Variants in KHDRBS2 observed in about 807,000 individuals in gnomAD.
The protein encoded by KHDRBS2 is KH RNA binding domain containing, signal transduction associated 2, also known as KH domain-containing, RNA-binding, signal transduction-associated protein 2.
In KHDRBS2, 26 loss-of-function variants were observed where a neutral mutation model predicts 44.3. The observed-to-expected ratio is 0.59, with a 90% CI of 0.43 to 0.81. The LOEUF (loss-of-function observed/expected upper bound fraction) is 0.81, where lower values mean the gene tolerates loss of function less well. Ranked by LOEUF, KHDRBS2 falls within the 40% of genes least tolerant of loss-of-function variation. The probability of loss-of-function intolerance (pLI) is 0.00; values close to 1 mark genes in which losing one functional copy is unlikely to be tolerated. For synonymous variants in KHDRBS2, 194 were observed against 151.1 expected (o/e 1.28, Z -2.08); for missense variants, 476 against 433.1 (o/e 1.10, Z -0.88).
chr6:61,596,721 G>A, the KHDRBS2 span, among the ~76,000 whole-genome samples: 526 of 151,972 alleles, frequency 3.5e-3, 4 homozygotes, highest in South Asian at 7.5e-3. Flanking sequence ...GTGCAATTTC[G>A]GCTCACTGCA....
intron 6 of KHDRBS2, among the ~76,000 whole-genome samples, chr6:61,796,922 T>C (rs528972711): frequency 1.3e-5 from 2 of 152,240 alleles, no homozygotes; most frequent in South Asian, 4.1e-4. Context: ...ATCCTGATAG[T>C]GCACTTGAAT....
chr6:61,769,440 G>A (rs946394454), intron 6 of KHDRBS2, among the ~76,000 whole-genome samples: 2 of 152,162 alleles, frequency 1.3e-5, no homozygotes, highest in African/African-American at 4.8e-5. Flanking sequence ...GATGGCACCT[G>A]GAAAATCGGG....
chr6:62,030,184 A>G (rs754036059), intron 3 of KHDRBS2, among the ~76,000 whole-genome samples: 1 of 152,080 alleles, frequency 6.6e-6, no homozygotes, highest in Non-Finnish European at 1.5e-5. Context: ...AAGATTTCTA[A>G]TATCACCACT....
At chr6:61,602,083 G>A in the KHDRBS2 span, among the ~76,000 whole-genome samples, 25 of 152,184 alleles carry the variant, frequency 1.6e-4, no homozygotes, top group East Asian at 5.8e-4. Flanking sequence ...TCAAAAGGCC[G>A]TCTTATTCTC....
intron 7 of KHDRBS2, among the ~76,000 whole-genome samples, chr6:61,712,514 A>T (rs961994025): frequency 1.3e-5 from 2 of 151,908 alleles, no homozygotes; most frequent in African/African-American, 4.8e-5. Flanking sequence ...TGTTTAAAAA[A>T]TAGAATGAAG....
At chr6:61,878,848 A>G (rs749841043) in intron 6 of KHDRBS2, among the ~76,000 whole-genome samples, 5 of 152,004 alleles carry the variant, frequency 3.3e-5, no homozygotes, top group Non-Finnish European at 5.9e-5. Context: ...CTGTTTGTAA[A>G]ATGGGCATAA....
At chr6:61,982,670 CAAA>C (rs1264177227) in intron 3 of KHDRBS2, among the ~76,000 whole-genome samples, 3 of 65,992 alleles carry the variant, frequency 4.5e-5, no homozygotes, top group Non-Finnish European at 3.6e-5. Context: ...AACTCTGTCT[CAAA>C]AAAAAAAAAA....
chr6:61,742,011 G>T (rs1424471291), intron 6 of KHDRBS2, among the ~76,000 whole-genome samples: 1 of 151,880 alleles, frequency 6.6e-6, no homozygotes, highest in Non-Finnish European at 1.5e-5. Context: ...ATATTCTTAT[G>T]CAGTTGAGAG....
At chr6:61,752,852 A>G (rs1777919650) in intron 6 of KHDRBS2, among the ~76,000 whole-genome samples, 1 of 152,084 alleles carries the variant, frequency 6.6e-6, no homozygotes, top group African/African-American at 2.4e-5. Context: ...AGGGGTCGGT[A>G]TGTAAGTTGT....
At chr6:62,169,141 A>G (rs940243608) in intron 2 of KHDRBS2, among the ~76,000 whole-genome samples, 1 of 70,326 alleles carries the variant, frequency 1.4e-5, no homozygotes, top group Non-Finnish European at 2.6e-5. Context: ...ATACACACAT[A>G]TATGTGTGTA....
intron 1 of KHDRBS2, among the ~76,000 whole-genome samples, chr6:62,205,947 G>T (rs1477850093): frequency 6.6e-6 from 1 of 152,144 alleles, no homozygotes; most frequent in African/African-American, 2.4e-5. Context: ...AGCAAAAAAG[G>T]ATCAATAGCA....
At chr6:62,121,449 C>G (rs759975754) in intron 2 of KHDRBS2, among the ~76,000 whole-genome samples, 4 of 152,182 alleles carry the variant, frequency 2.6e-5, no homozygotes, top group Non-Finnish European at 5.9e-5. Flanking sequence ...ACAAGCTTAA[C>G]CAAGTGGTGA....
intron 8 of KHDRBS2, among the ~76,000 whole-genome samples, chr6:61,687,553 G>T (rs1440790829): frequency 6.6e-6 from 1 of 151,794 alleles, no homozygotes; most frequent in Non-Finnish European, 1.5e-5. Flanking sequence ...GAGTCTTACA[G>T]ATGTTCTGCA....
the KHDRBS2 span, among the ~76,000 whole-genome samples, chr6:61,578,154 G>A: frequency 1.3e-5 from 2 of 152,212 alleles, no homozygotes; most frequent in South Asian, 2.1e-4. Flanking sequence ...TGGCAGGGCT[G>A]AAGGGTTGTG....
the KHDRBS2 span, among the ~76,000 whole-genome samples, chr6:61,605,174 G>A: frequency 6.6e-6 from 1 of 152,150 alleles, no homozygotes; most frequent in East Asian, 1.9e-4. Flanking sequence ...CTGTATGGAT[G>A]CTCCTTTTTA....
the KHDRBS2 span, among the ~76,000 whole-genome samples, chr6:61,545,781 T>A: frequency 4.9e-4 from 74 of 151,976 alleles, no homozygotes; most frequent in Non-Finnish European, 8.7e-4. Flanking sequence ...TTAAGTGAGA[T>A]CATAAGGGTG....
chr6:61,966,360 A>G (rs1769938709), intron 4 of KHDRBS2, among the ~76,000 whole-genome samples: 1 of 151,318 alleles, frequency 6.6e-6, no homozygotes, highest in African/African-American at 2.5e-5. Flanking sequence ...TAGCATTTTA[A>G]TGCAATTTTA....
chr6:61,548,396 C>A, the KHDRBS2 span, among the ~76,000 whole-genome samples: 5 of 152,064 alleles, frequency 3.3e-5, no homozygotes, highest in Admixed American at 1.3e-4. Context: ...ATAAGAATCA[C>A]CTGGGGATCT....
At chr6:62,059,738 T>A (rs1222118252) in intron 2 of KHDRBS2, among the ~76,000 whole-genome samples, 1 of 151,710 alleles carries the variant, frequency 6.6e-6, no homozygotes, top group Non-Finnish European at 1.5e-5. Flanking sequence ...ACGTTGTAAT[T>A]TTCTATACAG....
Sources: gnomAD v4.1 joint callset for allele counts (sites outside exome capture counted in the v4.1 genomes callset) on GRCh38, gnomAD v4.1.1 for gene constraint, MANE v1.5 for transcripts, NCBI Gene and HGNC (gene_info 2026-07-23, HGNC 2026-07-21) for gene names.